NR2F1-AS1: variants seen among roughly 807,000 people sequenced by gnomAD.
NR2F1-AS1 encodes the protein NR2F1 regulatory antisense RNA 1, also known as NR2F1 antisense RNA 1.
chr5:93,581,503 G>A (rs1753030385), upstream of NR2F1-AS1, among the ~76,000 whole-genome samples: 8 of 152,194 alleles, frequency 5.3e-5, no homozygotes, highest in South Asian at 1.7e-3. Flanking sequence ...CTGCCTGCGG[G>A]GAGGGGAGGA....
intron 4 of NR2F1-AS1, chr5:93,543,476 T>C (rs1752002779): frequency 6.6e-6 from 1 of 152,028 alleles, no homozygotes; most frequent in Non-Finnish European, 1.5e-5. Context: ...TAAAACTCAA[T>C]GTATTGCATT....
intron 4 of NR2F1-AS1, among the ~76,000 whole-genome samples, chr5:93,504,848 G>A (rs1329085068): frequency 2.0e-5 from 3 of 152,042 alleles, no homozygotes; most frequent in Non-Finnish European, 4.4e-5. Context: ...TATTTGGGTA[G>A]GGACACAGCC....
intron 1 of NR2F1-AS1, among the ~76,000 whole-genome samples, chr5:93,564,052 A>C (rs1752555949): frequency 1.5e-5 from 2 of 134,940 alleles, no homozygotes; most frequent in African/African-American, 5.5e-5. Flanking sequence ...CAATGAGTGG[A>C]GATCACGCCA....
At chr5:93,484,864 G>C (rs976124941) in intron 4 of NR2F1-AS1, among the ~76,000 whole-genome samples, 3 of 150,768 alleles carry the variant, frequency 2.0e-5, no homozygotes, top group South Asian at 2.1e-4. Flanking sequence ...AAGAGACAAA[G>C]AAAGGGCATT....
chr5:93,582,493 A>G (rs1753125684), upstream of NR2F1-AS1, among the ~76,000 whole-genome samples: 2 of 152,168 alleles, frequency 1.3e-5, 1 homozygote, highest in South Asian at 4.1e-4. Flanking sequence ...TCTAAAAAGG[A>G]TATAAAATGA....
intron 4 of NR2F1-AS1, among the ~76,000 whole-genome samples, chr5:93,463,731 T>C (rs944097685): frequency 6.6e-6 from 1 of 152,142 alleles, no homozygotes; most frequent in Non-Finnish European, 1.5e-5. Flanking sequence ...TCAAAGGAGA[T>C]CATTTTGGAG....
At chr5:93,511,322 TCTC>T (rs1484763345) in intron 4 of NR2F1-AS1, among the ~76,000 whole-genome samples, 2 of 152,160 alleles carry the variant, frequency 1.3e-5, no homozygotes, top group African/African-American at 4.8e-5. Context: ...ACGTGGGTCT[TCTC>T]CTGCTGCTGG....
upstream of NR2F1-AS1, chr5:93,583,902 T>G (rs1753174111): frequency 6.6e-6 from 1 of 152,478 alleles, no homozygotes; most frequent in Admixed American, 6.5e-5. Flanking sequence ...TTCTCCCCCT[T>G]CCGTCACCTC....
intron 4 of NR2F1-AS1, among the ~76,000 whole-genome samples, chr5:93,484,400 C>T (rs1170840700): frequency 6.6e-6 from 1 of 152,120 alleles, no homozygotes; most frequent in African/African-American, 2.4e-5. Flanking sequence ...CAAGCAAATG[C>T]TGAGAGATTT....
intron 4 of NR2F1-AS1, among the ~76,000 whole-genome samples, chr5:93,524,373 G>A (rs116672696): frequency 0.017 from 2,567 of 152,214 alleles, 76 homozygotes; most frequent in African/African-American, 0.059. Context: ...GACCAAACCT[G>A]CGTTTGATTG....
At chr5:93,519,270 A>C (rs1333186895) in intron 4 of NR2F1-AS1, among the ~76,000 whole-genome samples, 2 of 152,094 alleles carry the variant, frequency 1.3e-5, no homozygotes, top group African/African-American at 2.4e-5. Context: ...GCAGATTTAC[A>C]TCTCACATTC....
At chr5:93,575,285 C>T (rs188412814) in intron 1 of NR2F1-AS1, among the ~76,000 whole-genome samples, 20 of 152,342 alleles carry the variant, frequency 1.3e-4, no homozygotes, top group African/African-American at 4.8e-4. Context: ...TCTGGATTAT[C>T]ATTCATATTA....
At chr5:93,566,675 T>C (rs752293033) in intron 1 of NR2F1-AS1, among the ~76,000 whole-genome samples, 6 of 151,922 alleles carry the variant, frequency 3.9e-5, no homozygotes, top group Admixed American at 6.5e-5. Context: ...TGGAAAACAA[T>C]TGGGCAATCA....
chr5:93,555,887 G>A lies in NR2F1-AS1; in HGVS notation n.414-892C>T, dbSNP rs1008703547. Among the ~76,000 whole-genome samples, 4 of 152,210 alleles carry A rather than the reference G, an allele frequency of 2.6e-5. 1 individual carries two copies. ...ATTAATAATGAGTAGTAGCATTAGA[G>A]GTCATGTTTTTCTTCTTGTCATTGA... On this transcript the variant is annotated intron_variant and non_coding_transcript_variant, in intron 2 of 5. Coordinates refer to ENST00000660523, the Ensembl canonical transcript of NR2F1-AS1.
intron 4 of NR2F1-AS1, among the ~76,000 whole-genome samples, chr5:93,411,730 G>A: frequency 7.3e-6 from 1 of 136,686 alleles, no homozygotes; most frequent in Non-Finnish European, 1.7e-5. Flanking sequence ...CAAGCCTAAG[G>A]AAATCAGAAA....
chr5:93,478,433 T>C (rs1163869369), intron 4 of NR2F1-AS1, among the ~76,000 whole-genome samples: 1 of 152,202 alleles, frequency 6.6e-6, no homozygotes, highest in Non-Finnish European at 1.5e-5. Flanking sequence ...TGAGACAGTC[T>C]TGCTCTGTCA....
intron 1 of NR2F1-AS1, among the ~76,000 whole-genome samples, chr5:93,575,386 C>G (rs1487492292): frequency 6.6e-6 from 1 of 152,212 alleles, no homozygotes; most frequent in African/African-American, 2.4e-5. Context: ...TGTGAGACTT[C>G]CTAAGATAAT....
chr5:93,485,784 A>C (rs1750700628), intron 4 of NR2F1-AS1, among the ~76,000 whole-genome samples: 1 of 151,370 alleles, frequency 6.6e-6, no homozygotes, highest in Non-Finnish European at 1.5e-5. Flanking sequence ...AAGGACTACA[A>C]ATCATGCTGC....
chr5:93,557,383 A>G (rs979309962), intron 2 of NR2F1-AS1, among the ~76,000 whole-genome samples: 1 of 152,244 alleles, frequency 6.6e-6, no homozygotes, highest in African/African-American at 2.4e-5. Flanking sequence ...AGTTACAGGC[A>G]TATCTTGAAG....
Sources: gnomAD v4.1 joint callset for allele counts (sites outside exome capture counted in the v4.1 genomes callset) on GRCh38, gnomAD v4.1.1 for gene constraint, MANE v1.5 for transcripts, NCBI Gene and HGNC (gene_info 2026-07-23, HGNC 2026-07-21) for gene names.